FMN2: variants seen among roughly 807,000 people sequenced by gnomAD.
The protein encoded by FMN2 is formin-2.
In FMN2, 51 loss-of-function variants were observed where a neutral mutation model predicts 142.3. That is an observed-to-expected ratio of 0.36 (90% CI 0.29 to 0.45). FMN2 has a LOEUF of 0.45. FMN2 is among the 20% of genes least tolerant of loss of function. The pLI is 1.00. For synonymous variants in FMN2, 882 were observed against 869.8 expected (o/e 1.01, Z -0.25); for missense variants, 1,936 against 2,122.8 (o/e 0.91, Z 1.73).
At chr1:240,411,060 C>G (rs1674369098) in intron 15 of FMN2, among the ~76,000 whole-genome samples, 1 of 60,098 alleles carries the variant, frequency 1.7e-5, no homozygotes, top group Non-Finnish European at 3.9e-5. Context: ...CTTTCTTAGT[C>G]CCCATCCTAC....
At chr1:240,168,091 G>A (rs946627128) in intron 2 of FMN2, among the ~76,000 whole-genome samples, 1 of 152,156 alleles carries the variant, frequency 6.6e-6, no homozygotes, top group Admixed American at 6.5e-5. Flanking sequence ...AGTGGATGCT[G>A]TGGTATTATG....
intron 14 of FMN2, among the ~76,000 whole-genome samples, chr1:240,359,493 TTATCCCTGTAATTCAGC>T (rs750215068): frequency 4.7e-4 from 72 of 152,330 alleles, no homozygotes; most frequent in Non-Finnish European, 8.8e-4. Flanking sequence ...GAAACATCTC[TTATCCCTGTAATTCAGC>T]TATTGTGTGG....
intron 2 of FMN2, chr1:240,143,593 A>G: frequency 6.2e-7 from 1 of 1,608,452 alleles, no homozygotes; most frequent in Non-Finnish European, 8.5e-7. Context: ...CTATGCACAC[A>G]CATCTACCAG....
At chr1:240,311,940 C>T (rs1343281344) in intron 8 of FMN2, among the ~76,000 whole-genome samples, 1 of 152,272 alleles carries the variant, frequency 6.6e-6, no homozygotes, top group East Asian at 1.9e-4. Flanking sequence ...ATCCTCTTGC[C>T]TCACCCTCTC....
Position 240,472,943 on chromosome 1 carries a change from C to CAAA in FMN2, c.5142+507_5142+509dup, listed in dbSNP as rs372290294. The stretch of plus-strand genomic sequence containing the variant: ...CTGGCAACAGAGTGAGACTTTGTCT[C>CAAA]AAAAAAAAAAAAAAAAAAATTAAGA... On this transcript the variant is annotated intron_variant, in intron 17 of 17. Coordinates refer to ENST00000319653, the MANE Select transcript of FMN2 (RefSeq NM_020066.5). Among the ~76,000 whole-genome samples, 348 of 90,616 alleles carry CAAA rather than the reference C, an allele frequency of 3.8e-3. 1 individual carries two copies. Among genetic ancestry groups the CAAA allele is most frequent in the African/African-American group, 6.1e-3 (147 of 24,176 alleles). 59.4% of individuals were successfully genotyped at this position (90,616 alleles called of 152,430 possible). A position where few individuals can be genotyped will look rare whatever the true frequency, so the allele number is the denominator to read the frequency against.
At chr1:240,185,478 T>A (rs1030446059) in intron 3 of FMN2, among the ~76,000 whole-genome samples, 1 of 152,354 alleles carries the variant, frequency 6.6e-6, no homozygotes, top group East Asian at 1.9e-4. Flanking sequence ...ATTGGGAGAA[T>A]GAATTCAGTT....
intron 4 of FMN2, among the ~76,000 whole-genome samples, chr1:240,194,443 A>G (rs1490156626): frequency 6.6e-6 from 1 of 152,216 alleles, no homozygotes; most frequent in African/African-American, 2.4e-5. Flanking sequence ...ACTAAACTCA[A>G]CTTTGATTTG....
chr1:240,106,980 G>A (rs1405378082), intron 1 of FMN2, among the ~76,000 whole-genome samples: 5 of 151,300 alleles, frequency 3.3e-5, no homozygotes, highest in Admixed American at 2.6e-4. Context: ...CACCATGCCC[G>A]GCCTTTTCCA....
At position 240,422,787 on chromosome 1, in the gene FMN2, G is replaced by A. The variant is rs116468199; in HGVS notation, c.4911-15274G>A. On this transcript the variant is annotated intron_variant, in intron 15 of 17. Transcript: ENST00000319653. Reference sequence around the variant, plus strand: ...AGACAAATATACGCTGACTATAATGGTCTGATTCCTAATTTTAGGAACTTT... The same window carrying A: ...AGACAAATATACGCTGACTATAATGATCTGATTCCTAATTTTAGGAACTTT... Among the ~76,000 whole-genome samples the A allele has an allele frequency of 2.4e-3, 365 of 152,046 alleles. 1 individual carries two copies. Among genetic ancestry groups the A allele is most frequent in the African/African-American group, 8.2e-3 (339 of 41,454 alleles).
chr1:240,317,443 C>T (rs1047428301), intron 8 of FMN2, among the ~76,000 whole-genome samples: 1 of 152,204 alleles, frequency 6.6e-6, no homozygotes, highest in African/African-American at 2.4e-5. Flanking sequence ...AATCTGTTTC[C>T]ATCGCTATAA....
intron 15 of FMN2, among the ~76,000 whole-genome samples, chr1:240,434,172 G>A (rs978635905): frequency 2.0e-5 from 3 of 152,128 alleles, no homozygotes; most frequent in South Asian, 2.1e-4. Flanking sequence ...TTAAATAACT[G>A]AACATCTTTT....
chr1:240,218,366 C>T lies in FMN2; in HGVS notation c.4065+7131C>T, dbSNP rs930548690. ...ATTAATTTTTAATGGCTAGAATGTT[C>T]TGTGTATAATTCATAGGAATTGAAG... is the stretch of plus-strand genomic sequence containing the variant. On this transcript the variant is annotated intron_variant, in intron 6 of 17. Transcript: ENST00000319653. Among the ~76,000 whole-genome samples, 99 of 145,666 alleles carry T rather than the reference C, an allele frequency of 6.8e-4. 2 individuals are homozygous for T. The highest frequency in any genetic ancestry group is 5.3e-4 in the Non-Finnish European group (35 of 66,664).
At chr1:240,339,196 G>A (rs143396728) in intron 13 of FMN2, among the ~76,000 whole-genome samples, 1 of 152,268 alleles carries the variant, frequency 6.6e-6, no homozygotes, top group Non-Finnish European at 1.5e-5. Context: ...CAGGGGTTGA[G>A]GACCCCTGAC....
chr1:240,173,474 G>T (rs919925311), intron 2 of FMN2, among the ~76,000 whole-genome samples: 1 of 152,054 alleles, frequency 6.6e-6, no homozygotes, highest in African/African-American at 2.4e-5. Flanking sequence ...AGCAGAGGTG[G>T]GTCTGATTCA....
chr1:240,263,342 A>G (rs914455544), intron 7 of FMN2, among the ~76,000 whole-genome samples: 9 of 152,152 alleles, frequency 5.9e-5, no homozygotes, highest in Admixed American at 4.6e-4. Context: ...TCTGCACGAG[A>G]CATCTAGAAA....
At chr1:240,204,034 AT>A (rs1396876505) in intron 4 of FMN2, among the ~76,000 whole-genome samples, 1 of 152,178 alleles carries the variant, frequency 6.6e-6, no homozygotes, top group Non-Finnish European at 1.5e-5. Context: ...TGAATAACAT[AT>A]AAATTCTCAA....
In FMN2 at chr1:240,330,762, C is replaced by T. The variant is rs369160791; in HGVS notation, c.4584+13C>T. On this transcript the variant is annotated intron_variant, in intron 11 of 17. Coordinates refer to ENST00000319653, the MANE Select transcript of FMN2 (RefSeq NM_020066.5). ...TGTCAAGAGCAGTGTAAGTATTTTG[C>T]ATGAGTGGACGTAAGCACATTGAGG... The T allele has an allele frequency of 1.9e-6, 3 of 1,612,608 alleles. No individual in the cohort carries two copies. Among genetic ancestry groups the T allele is most frequent in the African/African-American group, 1.3e-5 (1 of 74,836 alleles).
chr1:240,436,663 TGA>T (rs1675383766), intron 15 of FMN2, among the ~76,000 whole-genome samples: 2 of 123,422 alleles, frequency 1.6e-5, no homozygotes, highest in African/African-American at 6.7e-5. Context: ...GGTGACAGTG[TGA>T]GACTCCGTCT....
At chr1:240,114,180 A>G (rs781272012) in intron 1 of FMN2, among the ~76,000 whole-genome samples, 1 of 152,158 alleles carries the variant, frequency 6.6e-6, no homozygotes, top group Non-Finnish European at 1.5e-5. Flanking sequence ...TCCAGACATC[A>G]TGTTATTTTA....
Sources: allele counts gnomAD v4.1 joint callset (sites outside exome capture counted in the v4.1 genomes callset), GRCh38; gene constraint gnomAD v4.1.1; transcripts MANE v1.5; gene names NCBI Gene and HGNC (gene_info 2026-07-23, HGNC 2026-07-21).